The following AFF3 variants were observed in gnomAD, a reference collection of about 807,000 sequenced individuals.
AFF3 encodes ALF transcription elongation factor 3.
In AFF3, 32 loss-of-function variants were observed where a neutral mutation model predicts 129.7. That is an observed-to-expected ratio of 0.25 (90% CI 0.19 to 0.33). The LOEUF is 0.33. AFF3 is among the 10% of genes least tolerant of loss of function. AFF3 has a pLI of 1.00. For missense variants in AFF3, 1,373 were observed against 1,592.0 expected, an observed-to-expected ratio of 0.86 and a Z score of 2.34; for synonymous variants, 644 against 635.4, an observed-to-expected ratio of 1.01 and a Z score of -0.20.
intron 4 of AFF3, among the ~76,000 whole-genome samples, chr2:100,053,935 G>T (rs1419031857): frequency 6.6e-6 from 1 of 152,198 alleles, no homozygotes; most frequent in Non-Finnish European, 1.5e-5. Context: ...GACCTCCTCT[G>T]TATCTAGGCA....
intron 4 of AFF3, among the ~76,000 whole-genome samples, chr2:100,045,660 G>A (rs1685775052): frequency 6.6e-6 from 1 of 150,874 alleles, no homozygotes; most frequent in Non-Finnish European, 1.5e-5. Context: ...TGCCAGTCCT[G>A]AGACAGCAAG....
In AFF3 at chr2:99,551,306, C is replaced by A; in HGVS notation, c.*168G>T. 1 of 940,280 alleles carries A rather than the reference C, an allele frequency of 1.1e-6. No individual in the cohort carries two copies. The highest frequency in any genetic ancestry group is 1.6e-6 in the Non-Finnish European group (1 of 644,396). 58.2% of individuals were successfully genotyped at this position (940,280 alleles called of 1,614,324 possible). On this transcript the variant is annotated 3_prime_UTR_variant, in exon 25 of 25. Transcript: ENST00000672756. ...ACATACACAGGCGGCTTCTTATATA[C>A]CCACACATACAAACACACATGCCCT...
At chr2:99,649,696 T>C in intron 12 of AFF3, 30 bp from the exon 13 acceptor site, 1 of 1,613,312 alleles carries the variant, frequency 6.2e-7, no homozygotes, top group Admixed American at 1.7e-5. Flanking sequence ...GAGATGTTTA[T>C]TTAATATTCT....
intron 7 of AFF3, among the ~76,000 whole-genome samples, chr2:99,887,950 C>T (rs1022975421): frequency 6.6e-6 from 1 of 152,150 alleles, no homozygotes; most frequent in Non-Finnish European, 1.5e-5. Context: ...TCCCTAAATG[C>T]TACACTAAAT....
intron 4 of AFF3, among the ~76,000 whole-genome samples, chr2:100,066,009 G>T (rs1687692273): frequency 6.6e-6 from 1 of 152,136 alleles, no homozygotes; most frequent in Non-Finnish European, 1.5e-5. Flanking sequence ...AGCAAGAAAA[G>T]AAATGAAGAA....
intron 8 of AFF3, among the ~76,000 whole-genome samples, chr2:99,794,685 G>A (rs921215540): frequency 6.6e-6 from 1 of 152,004 alleles, no homozygotes. Context: ...CAGCTGCCTA[G>A]GCCTTTTCAT....
At chr2:99,977,433 C>T (rs763047714) in intron 7 of AFF3, among the ~76,000 whole-genome samples, 7 of 152,178 alleles carry the variant, frequency 4.6e-5, no homozygotes, top group Non-Finnish European at 8.8e-5. Context: ...ACCAATCCCT[C>T]GGAGAGCCTA....
At chr2:99,581,757 T>G (rs541437733) in intron 17 of AFF3, among the ~76,000 whole-genome samples, 2 of 151,708 alleles carry the variant, frequency 1.3e-5, no homozygotes, top group African/African-American at 2.4e-5. Context: ...CCTGAAAGGA[T>G]GAGTGGTCCA....
intron 8 of AFF3, among the ~76,000 whole-genome samples, chr2:99,817,355 T>C (rs1318708835): frequency 6.6e-6 from 1 of 152,224 alleles, no homozygotes; most frequent in Non-Finnish European, 1.5e-5. Context: ...GTGTTCCCCA[T>C]GTAAGCAAAT....
chr2:99,707,480 T>C, intron 11 of AFF3: 2 of 985,408 alleles, frequency 2.0e-6, no homozygotes, highest in South Asian at 9.4e-5. Flanking sequence ...CAAAAGGTTA[T>C]CCACGAAGTT....
chr2:99,731,248 G>A (rs1390372231), intron 10 of AFF3, among the ~76,000 whole-genome samples: 2 of 152,136 alleles, frequency 1.3e-5, no homozygotes, highest in Non-Finnish European at 2.9e-5. Flanking sequence ...GTAAGCTACC[G>A]TGCCCAGCCA....
At chr2:99,952,948 T>C (rs1444694472) in intron 7 of AFF3, among the ~76,000 whole-genome samples, 3 of 152,212 alleles carry the variant, frequency 2.0e-5, no homozygotes, top group Non-Finnish European at 4.4e-5. Flanking sequence ...TACAGTGCTG[T>C]ACTTACTCCG....
At position 99,778,901 on chromosome 2, in the gene AFF3, T is replaced by TGCAC. The variant is rs1348371223; in HGVS notation, c.922-26601_922-26600insGTGC. Among the ~76,000 whole-genome samples the TGCAC allele has an allele frequency of 6.5e-3, 37 of 5,726 alleles. 1 individual carries two copies. In the South Asian group the frequency reaches 0.08, roughly 12 times the overall value. 3.8% of individuals were successfully genotyped at this position (5,726 alleles called of 152,430 possible). ...GTGTGTGTGTGTGTGTGTGCGCGTG[T>TGCAC]GTGTGTGTGTGTGTGTGTGTGTGTG... On this transcript the variant is annotated intron_variant, in intron 8 of 24. Coordinates refer to ENST00000672756, the MANE Select transcript of AFF3 (RefSeq NM_001386135.1).
At position 99,890,123 on chromosome 2, in the gene AFF3, T is replaced by C. The variant is rs561384224; in HGVS notation, c.874-52599A>G. On this transcript the variant is annotated intron_variant, in intron 7 of 24. Coordinates refer to ENST00000672756, the MANE Select transcript of AFF3 (RefSeq NM_001386135.1). The stretch of plus-strand genomic sequence containing the variant: ...CCCCGAGTGCCCCAGACATTCTGTG[T>C]GAATTTGGTACATGTACCAGCATAC... 1.9e-3 allele frequency among the ~76,000 whole-genome samples: 283 copies of C among 152,310 alleles called. 1 individual carries two copies. The highest frequency in any genetic ancestry group is 0.014 in the Middle Eastern group (4 of 294).
Position 99,545,439 on chromosome 2 carries a change from A to C in AFF3, c.*6035T>G, listed in dbSNP as rs1396610981. ...GAAACTAGAACATTGATATTATTTT[A>C]ATTACCCAACAGCACTCTAAAAATC... On this transcript the variant is annotated 3_prime_UTR_variant, in exon 25 of 25. Transcript: ENST00000672756. 1.3e-5 allele frequency: 2 copies of C among 152,216 alleles called. No homozygotes were observed. The highest frequency in any genetic ancestry group is 2.9e-5 in the Non-Finnish European group (2 of 68,038). The allele number at this position is 152,216 out of a possible 1,614,324, so 9.4% of individuals were successfully genotyped here.
intron 4 of AFF3, among the ~76,000 whole-genome samples, chr2:100,098,325 A>G (rs1434375586): frequency 6.6e-6 from 1 of 152,214 alleles, no homozygotes; most frequent in Non-Finnish European, 1.5e-5. Flanking sequence ...ATGATATTAA[A>G]ATCGTCTTTT....
intron 7 of AFF3, among the ~76,000 whole-genome samples, chr2:99,958,690 A>T (rs1676906466): frequency 1.3e-5 from 2 of 152,070 alleles, no homozygotes. Context: ...CAAACACAAA[A>T]CAGGCCTGAG....
At position 99,551,185 on chromosome 2, in the gene AFF3, C is replaced by G; in HGVS notation, c.*289G>C. 1 of 516,836 alleles carries G rather than the reference C, an allele frequency of 1.9e-6. No individual in the cohort carries two copies. Among genetic ancestry groups the G allele is most frequent in the South Asian group, 3.4e-5 (1 of 29,436 alleles). The allele number at this position is 516,836 out of a possible 1,614,324, so 32.0% of individuals were successfully genotyped here. ...GTGTGTGTGTGTGTGTGTGTGTGTA[C>G]TTCCTCTAGTCAGAAACCTCTGATC... On this transcript the variant is annotated 3_prime_UTR_variant, in exon 25 of 25. Transcript: ENST00000672756.
At chr2:99,895,878 G>T (rs1268664661) in intron 7 of AFF3, among the ~76,000 whole-genome samples, 23 of 152,060 alleles carry the variant, frequency 1.5e-4, no homozygotes, top group Admixed American at 1.4e-3. Context: ...AGACCAGCCT[G>T]GCCAACATGG....
Sources: gnomAD v4.1 joint callset for allele counts (sites outside exome capture counted in the v4.1 genomes callset) on GRCh38, gnomAD v4.1.1 for gene constraint, MANE v1.5 for transcripts, NCBI Gene and HGNC (gene_info 2026-07-23, HGNC 2026-07-21) for gene names.